Variants in UBR4 observed in about 807,000 individuals in gnomAD.
UBR4 encodes the protein E3 ubiquitin-protein ligase UBR4.
A neutral mutation model predicts 575.6 loss-of-function variants in UBR4; 124 were observed. The observed-to-expected ratio is 0.22, with a 90% CI of 0.19 to 0.25. The LOEUF is 0.25. Ranked by LOEUF, UBR4 falls within the 10% of genes least tolerant of loss-of-function variation. The pLI is 1.00. For missense variants in UBR4, 4,818 were observed against 6,478.8 expected, an observed-to-expected ratio of 0.74 and a Z score of 8.80; for synonymous variants, 2,455 against 2,473.7, an observed-to-expected ratio of 0.99 and a Z score of 0.22.
chr1:19,172,446 G>A (rs904030749), intron 25 of UBR4, among the ~76,000 whole-genome samples: 22 of 152,164 alleles, frequency 1.4e-4, no homozygotes, highest in African/African-American at 5.3e-4. Flanking sequence ...GAACCCAGGG[G>A]GTGGAGGTTG....
intron 17 of UBR4, among the ~76,000 whole-genome samples, chr1:19,180,380 G>C (rs532418570): frequency 6.6e-6 from 1 of 151,638 alleles, no homozygotes; most frequent in Non-Finnish European, 1.5e-5. Context: ...GTAGAGACGG[G>C]GTTTCACAAT....
chr1:19,207,316 T>C (rs1016649314), intron 1 of UBR4, among the ~76,000 whole-genome samples: 3 of 152,238 alleles, frequency 2.0e-5, no homozygotes, highest in Non-Finnish European at 2.9e-5. Flanking sequence ...AGACCTTTAC[T>C]TTTTAGAAAG....
Position 19,118,122 on chromosome 1 carries a change from T to A in UBR4, c.10542-212A>T, listed in dbSNP as rs141929647. Reference sequence around the variant, plus strand: ...TTTCAACTAACTGACCTTAGATGTTTCCTAATCTTTGATCTATCCTTCAGA... The same window carrying A: ...TTTCAACTAACTGACCTTAGATGTTACCTAATCTTTGATCTATCCTTCAGA... On this transcript the variant is annotated intron_variant, in intron 71 of 105. Transcript: ENST00000375254. 1.2e-4 allele frequency: 64 copies of A among 527,766 alleles called. No individual in the cohort carries two copies. The East Asian group carries it at 1.9e-3, about 16-fold the overall frequency. 32.7% of individuals were successfully genotyped at this position (527,766 alleles called of 1,614,324 possible). A position where few individuals can be genotyped will look rare whatever the true frequency, so the allele number is the denominator to read the frequency against.
chr1:19,181,179 G>A (rs750215186), intron 17 of UBR4, among the ~76,000 whole-genome samples: 2 of 152,028 alleles, frequency 1.3e-5, no homozygotes, highest in Non-Finnish European at 2.9e-5. Context: ...AGGAGTTCGA[G>A]CAGCCTGGGC....
At position 19,148,938 on chromosome 1, in the gene UBR4, G is replaced by A. The variant is rs1405139986; in HGVS notation, c.7431-312C>T. ...TGCCTGTGGCAGGGATCACTGAGAT[G>A]GGCTTAACAGTCTTGATGCAATGGG... On this transcript the variant is annotated intron_variant, in intron 49 of 105. Coordinates refer to ENST00000375254, the MANE Select transcript of UBR4 (RefSeq NM_020765.3). Among the ~76,000 whole-genome samples, 5 of 152,162 alleles carry A rather than the reference G, an allele frequency of 3.3e-5. No individual in the cohort carries two copies. In the East Asian group the frequency reaches 7.7e-4, roughly 23 times the overall value.
At chr1:19,112,963 A>G (rs1228815451) in intron 77 of UBR4, 96 bp from the exon 78 acceptor site, 1 of 1,263,302 alleles carries the variant, frequency 7.9e-7, no homozygotes, top group East Asian at 2.4e-5. Flanking sequence ...AAAACTTTAC[A>G]TGCATTATAT....
At chr1:19,206,830 T>C (rs909281850) in intron 1 of UBR4, among the ~76,000 whole-genome samples, 48 of 152,232 alleles carry the variant, frequency 3.2e-4, no homozygotes, top group Non-Finnish European at 3.4e-4. Flanking sequence ...TATTTCAGTT[T>C]GGTTGCAAAG....
At chr1:19,119,206 T>C (rs904619114) in intron 70 of UBR4, among the ~76,000 whole-genome samples, 11 of 152,172 alleles carry the variant, frequency 7.2e-5, no homozygotes, top group Admixed American at 6.5e-4. Flanking sequence ...TTTATTTTTA[T>C]GGAGAAGCCA....
At chr1:19,148,190 A>G in intron 50 of UBR4, 63 bp from the exon 51 acceptor site, 3 of 1,540,844 alleles carry the variant, frequency 1.9e-6, no homozygotes, top group Non-Finnish European at 1.7e-6. Flanking sequence ...TGAACTATCT[A>G]CACTCTGCCT....
chr1:19,174,677 T>C (rs1245373750), intron 21 of UBR4, among the ~76,000 whole-genome samples: 1 of 152,192 alleles, frequency 6.6e-6, no homozygotes, highest in Non-Finnish European at 1.5e-5. Flanking sequence ...ATTATTTTTG[T>C]CCATTAAAAT....
chr1:19,135,945 G>C (rs1378976598), intron 60 of UBR4, among the ~76,000 whole-genome samples: 1 of 152,130 alleles, frequency 6.6e-6, no homozygotes, highest in African/African-American at 2.4e-5. Context: ...GATCTTAAAA[G>C]CAGCAGTAAA....
In UBR4 at chr1:19,121,311, G is replaced by C. The variant is rs372130495; in HGVS notation, c.10019C>G (p.Ser3340Trp). The C allele has an allele frequency of 3.1e-6, 5 of 1,614,084 alleles. No individual in the cohort carries two copies. Among genetic ancestry groups the C allele is most frequent in the African/African-American group, 1.3e-5 (1 of 74,932 alleles). ...GGAGGAAGAAGCACTGGAGGATCCC[G>C]AAGAGGCTGCCAGTGCAGCGAGCAC... ...SKVLAALAAS[S>W]GSSSASSSSA... is the part of the protein sequence containing the mutation. Residue 3340 changes from serine (S) to tryptophan (W), a missense_variant, in exon 68 of 106, where the codon TCG (serine) becomes TGG (tryptophan). Around this residue, in one of 29 missense-constraint regions of UBR4, gnomAD observed 550 missense variants for 791.5 expected, o/e 0.69. Coordinates refer to ENST00000375254, the MANE Select transcript of UBR4 (RefSeq NM_020765.3).
In UBR4 at chr1:19,097,221, C is replaced by G; in HGVS notation, c.13362G>C (p.Glu4454Asp). The G allele has an allele frequency of 6.2e-7, 1 of 1,613,796 alleles. No homozygotes were observed. Among genetic ancestry groups the G allele is most frequent in the Non-Finnish European group, 8.5e-7 (1 of 1,179,842 alleles). Reference protein sequence around the residue: ...MRGLLGDATEEFIESLDSTTD... With the variant: ...MRGLLGDATEDFIESLDSTTD... ...TAGTAGAGTCCAGGGACTCAATGAA[C>G]TCCTCTGTGGCATCGCCCAGCAGCC... The change falls in exon 91 of 106, where the codon GAG becomes GAC. Residue 4454 changes from glutamate to aspartate, a missense_variant. Coordinates refer to ENST00000375254, the MANE Select transcript of UBR4 (RefSeq NM_020765.3).
In UBR4 at chr1:19,193,425, T is replaced by C; in HGVS notation, c.1143+8A>G. The C allele has an allele frequency of 1.9e-6, 3 of 1,613,584 alleles. No individual in the cohort carries two copies. Among genetic ancestry groups the C allele is most frequent in the Non-Finnish European group, 2.5e-6 (3 of 1,179,670 alleles). ...CAAGGTTCCCTTATCCCCAGATCTT[T>C]GGCTTACACATTTCTGGACAATTGT... On this transcript the variant is annotated splice_region_variant and intron_variant, in intron 9 of 105. Transcript: ENST00000375254.
chr1:19,173,815 C>A (rs1183423521), intron 22 of UBR4, among the ~76,000 whole-genome samples, 194 bp from the exon 23 acceptor site: 1 of 152,228 alleles, frequency 6.6e-6, no homozygotes, highest in Non-Finnish European at 1.5e-5. Flanking sequence ...GCAGAACACA[C>A]ATACAAATAA....
In UBR4 at chr1:19,078,029, G is replaced by A. The variant is rs2076127765; in HGVS notation, c.15271C>T (p.Arg5091Cys). 3 of 1,613,990 alleles carry A rather than the reference G, an allele frequency of 1.9e-6. No homozygotes were observed. Among genetic ancestry groups the A allele is most frequent in the South Asian group, 1.1e-5 (1 of 91,074 alleles). Residue 5091 changes from arginine (R) to cysteine (C), a missense_variant, in exon 104 of 106, where the codon CGT (arginine) becomes TGT (cysteine). By Grantham distance (180) the Arg-to-Cys change is radical. Around this residue, in one of 29 missense-constraint regions of UBR4, gnomAD observed 212 missense variants for 221.3 expected, o/e 0.96. Coordinates refer to ENST00000375254, the MANE Select transcript of UBR4 (RefSeq NM_020765.3). ...DKAVKDYSAY[R>C]SSLLFWALVD... ...AGGGCCCAAAAGAGAAGGGAAGAAC[G>A]GTAAGCGGAATAGTCCTTCACTGCC...
rs1557877913 is a variant in UBR4, at chr1:19,168,093, A to T, written c.3833T>A (p.Leu1278Gln). The change falls in exon 28 of 106, where the codon CTG (leucine) becomes CAG (glutamine). Residue 1278 changes from leucine (L) to glutamine (Q), a missense_variant. Leu to Gln is a moderately radical substitution (Grantham distance 113). Coordinates refer to ENST00000375254, the MANE Select transcript of UBR4 (RefSeq NM_020765.3). Reference protein sequence around the residue: ...AHLGTLCSQSLPLAASLKHTL... With the variant: ...AHLGTLCSQSQPLAASLKHTL... ...ATGCTTCAGGGAAGCAGCCAGGGGC[A>T]GACTTTGGCTACAGAGAGTCCCCAG... 6.2e-7 allele frequency: 1 copy of T among 1,613,910 alleles called. No homozygotes were observed. Among genetic ancestry groups the T allele is most frequent in the East Asian group, 2.2e-5 (1 of 44,874 alleles).
intron 102 of UBR4, chr1:19,081,898 G>A: frequency 1.6e-6 from 1 of 619,346 alleles, no homozygotes; most frequent in Non-Finnish European, 2.9e-6. Context: ...TCCCCAACAT[G>A]GAACTGTGCT....
rs34763225 is a variant in UBR4, at chr1:19,092,909, G to A, written c.14121C>T (p.Ala4707=). ...GAGACAAAAACTTTTTCCAGATGTC[G>A]GCATCCAAACTGCAAAGCAAAGGAA... ...KHIPSAKNLD[A]DIWKKFLSRP... Residue 4707 remains alanine (A), a synonymous_variant, in exon 97 of 106, where the codon GCC becomes GCT. Transcript: ENST00000375254. The A allele has an allele frequency of 1.9e-5, 30 of 1,613,088 alleles. 1 individual carries two copies. Among genetic ancestry groups the A allele is most frequent in the Middle Eastern group, 1.7e-4 (1 of 6,042 alleles).
Sources: gnomAD v4.1 joint callset for allele counts (sites outside exome capture counted in the v4.1 genomes callset) on GRCh38, gnomAD v4.1.1 for gene constraint, gnomAD v4.1.1 regional missense constraint, MANE v1.5 for transcripts, NCBI Gene and HGNC (gene_info 2026-07-23, HGNC 2026-07-21) for gene names.